Variants in SCARB2 observed in about 807,000 individuals in gnomAD.
The protein encoded by SCARB2 is scavenger receptor class B member 2, also known as lysosome membrane protein 2.
Under a neutral mutation model 58.6 loss-of-function variants are expected in SCARB2, and 29 were observed. The observed-to-expected ratio is 0.49, with a 90% confidence interval of 0.37 to 0.67. The LOEUF is 0.67. Ranked by LOEUF, SCARB2 falls within the 30% of genes least tolerant of loss-of-function variation. The pLI is 0.00. For missense variants in SCARB2, 488 were observed against 578.5 expected (o/e 0.84, Z 1.60); for synonymous variants, 195 against 210.1 (o/e 0.93, Z 0.62).
At chr4:76,182,803 A>G (rs539673809) in intron 2 of SCARB2, among the ~76,000 whole-genome samples, 1 of 152,362 alleles carries the variant, frequency 6.6e-6, no homozygotes, top group East Asian at 1.9e-4. Flanking sequence ...GTTATGTCCC[A>G]GTAAACCCAT....
chr4:76,169,730 C>T (rs1417196289), intron 8 of SCARB2, 137 bp downstream of exon 8: 9 of 785,250 alleles, frequency 1.1e-5, no homozygotes, highest in Admixed American at 3.6e-5. Flanking sequence ...TCCATCAGCA[C>T]TGAGCTGAAT....
rs1280263398 is a variant in SCARB2 at position 76,169,921 on chromosome 4, T to C, written c.1059A>G (p.Ile353Met). Residue 353 changes from isoleucine (I) to methionine (M), a missense_variant, in exon 8 of 12, where the codon ATA (isoleucine) becomes ATG (methionine). Coordinates refer to ENST00000264896, the MANE Select transcript of SCARB2 (RefSeq NM_005506.4). ...YQADERFVSA[I>M]EGMHPNQEDH... ...CTTCCTGATTTGGGTGCATGCCTTC[T>C]ATGGCAGAAACAAACCTCTCATCTG... The C allele has an allele frequency of 1.9e-6, 3 of 1,613,980 alleles. No individual in the cohort carries two copies. The highest frequency in any genetic ancestry group is 1.3e-5 in the African/African-American group (1 of 74,914).
intron 10 of SCARB2, chr4:76,164,116 A>T (rs1731953004): frequency 6.6e-6 from 1 of 152,588 alleles, no homozygotes; most frequent in African/African-American, 2.4e-5. Flanking sequence ...TAGTGTATGC[A>T]GAGCAGAGGA....
intron 2 of SCARB2, chr4:76,194,753 A>G (rs1428066754): frequency 6.6e-6 from 1 of 152,136 alleles, no homozygotes; most frequent in African/African-American, 2.4e-5. Flanking sequence ...AGATTATTGT[A>G]TGGGAGAGGG....
chr4:76,197,501 C>A (rs1266893181), intron 1 of SCARB2, among the ~76,000 whole-genome samples: 1 of 150,926 alleles, frequency 6.6e-6, no homozygotes, highest in Non-Finnish European at 1.5e-5. Context: ...CCTCGTTCCA[C>A]TGAGCCAGCT....
chr4:76,213,512 G>A lies in SCARB2; in HGVS notation c.32C>T (p.Thr11Met). Reference sequence around the variant, plus strand: ...GGTCACCAGCAGGAGCAGGGACAACGTCCCCGCCGTGTAGAAGCAGCATCG... The same window carrying A: ...GGTCACCAGCAGGAGCAGGGACAACATCCCCGCCGTGTAGAAGCAGCATCG... MGRCCFYTAG[T>M]LSLLLLVTSV... Residue 11 changes from threonine to methionine, a missense_variant, in exon 1 of 12, where the codon ACG (threonine) becomes ATG (methionine). Physicochemically the swap from Thr to Met is moderately conservative, Grantham distance 81. Transcript: ENST00000264896. 1 of 1,610,314 alleles carries A rather than the reference G, an allele frequency of 6.2e-7. No individual in the cohort carries two copies. The highest frequency in any genetic ancestry group is 1.7e-5 in the Admixed American group (1 of 59,568).
At chr4:76,209,146 C>T (rs1310453322) in intron 1 of SCARB2, among the ~76,000 whole-genome samples, 1 of 152,040 alleles carries the variant, frequency 6.6e-6, no homozygotes, top group African/African-American at 2.4e-5. Context: ...TTTTTCTGAT[C>T]AAGAAAAATC....
intron 1 of SCARB2, among the ~76,000 whole-genome samples, chr4:76,226,651 G>A (rs1467516099): frequency 6.6e-6 from 1 of 152,134 alleles, no homozygotes; most frequent in Non-Finnish European, 1.5e-5. Context: ...CGTTATGTCA[G>A]ACAAACAAGC....
At chr4:76,228,322 T>A (rs2109984110) in intron 1 of SCARB2, among the ~76,000 whole-genome samples, 1 of 151,822 alleles carries the variant, frequency 6.6e-6, no homozygotes, top group Middle Eastern at 3.4e-3. Context: ...TCTACTAAAA[T>A]ACAAAAATTA....
At chr4:76,184,400 C>A (rs1330822066) in intron 2 of SCARB2, among the ~76,000 whole-genome samples, 1 of 152,226 alleles carries the variant, frequency 6.6e-6, no homozygotes, top group Non-Finnish European at 1.5e-5. Context: ...ATAGACACTT[C>A]CGTGTTAAAC....
At chr4:76,188,106 A>G (rs759897689) in intron 2 of SCARB2, among the ~76,000 whole-genome samples, 27 of 152,220 alleles carry the variant, frequency 1.8e-4, no homozygotes, top group African/African-American at 4.8e-5. Flanking sequence ...GTGCCCTTAG[A>G]CAAATTGTTT....
rs376349202 is a variant in SCARB2 at position 76,173,253 on chromosome 4, C to G, written c.994+891G>C. ...TTTGTGTCAGGGTTTAAAACTAACTCTGCTTCAAAATCACTGAGAATCTTT... is the reference window on the plus strand; with the variant it reads ...TTTGTGTCAGGGTTTAAAACTAACTGTGCTTCAAAATCACTGAGAATCTTT... On this transcript the variant is annotated intron_variant, in intron 7 of 11. Coordinates refer to ENST00000264896, the MANE Select transcript of SCARB2 (RefSeq NM_005506.4). 26 of 152,176 alleles carry G rather than the reference C, an allele frequency of 1.7e-4. No homozygotes were observed. The East Asian group carries it at 4.1e-3, about 24-fold the overall frequency. 9.4% of individuals were successfully genotyped at this position (152,176 alleles called of 1,614,324 possible).
At chr4:76,216,582 G>A (rs1278630192), upstream of SCARB2, among the ~76,000 whole-genome samples, 2 of 152,240 alleles carry the variant, frequency 1.3e-5, no homozygotes, top group Non-Finnish European at 2.9e-5. Context: ...TGGGGATGGA[G>A]AGATGGAGAC....
chr4:76,188,283 C>G (rs1732529008), intron 2 of SCARB2, among the ~76,000 whole-genome samples: 2 of 152,280 alleles, frequency 1.3e-5, no homozygotes, highest in South Asian at 4.1e-4. Context: ...GGCCAATGAG[C>G]CTTGTATTCA....
At chr4:76,167,664 T>TTCCC (rs1732036433) in intron 9 of SCARB2, among the ~76,000 whole-genome samples, 1 of 28,736 alleles carries the variant, frequency 3.5e-5, no homozygotes, top group Non-Finnish European at 6.9e-5. Context: ...TTCCTTTCCC[T>TTCCC]CCCTCCCTCC....
chr4:76,231,897 G>T (rs755419654), intron 1 of SCARB2, among the ~76,000 whole-genome samples: 1 of 152,166 alleles, frequency 6.6e-6, no homozygotes, highest in Non-Finnish European at 1.5e-5. Flanking sequence ...TTTTATTGGC[G>T]CTGCAAGTCA....
intron 2 of SCARB2, among the ~76,000 whole-genome samples, chr4:76,189,008 TGC>T (rs1732545336): frequency 6.6e-6 from 1 of 152,264 alleles, no homozygotes; most frequent in African/African-American, 2.4e-5. Flanking sequence ...GCAAAGTAAC[TGC>T]GTTTTTTGTC....
intron 1 of SCARB2, among the ~76,000 whole-genome samples, chr4:76,232,289 C>T (rs1055117022): frequency 3.9e-5 from 6 of 152,156 alleles, no homozygotes; most frequent in East Asian, 1.9e-4. Context: ...GGTTGATATT[C>T]GTGAACATTT....
chr4:76,208,052 A>G (rs1385611288), intron 1 of SCARB2, among the ~76,000 whole-genome samples: 1 of 152,232 alleles, frequency 6.6e-6, no homozygotes, highest in Non-Finnish European at 1.5e-5. Flanking sequence ...ACGATCCCAC[A>G]GCAACCTGCC....
Sources: allele counts gnomAD v4.1 joint callset (sites outside exome capture counted in the v4.1 genomes callset), GRCh38; gene constraint gnomAD v4.1.1; transcripts MANE v1.5; gene names NCBI Gene and HGNC (gene_info 2026-07-23, HGNC 2026-07-21).